GAPVD1: variants seen among roughly 807,000 people sequenced by gnomAD.
The protein encoded by GAPVD1 is GTPase activating protein and VPS9 domains 1.
A neutral mutation model predicts 155.5 loss-of-function variants in GAPVD1; 35 were observed. The observed-to-expected ratio is 0.23, with a 90% CI of 0.17 to 0.30. GAPVD1 has a LOEUF of 0.30. Among genes scored for constraint, GAPVD1 ranks in the 10% least tolerant of loss-of-function variants. The pLI is 1.00. For synonymous variants in GAPVD1, 636 were observed against 619.7 expected (o/e 1.03, Z -0.39); for missense variants, 1,429 against 1,775.7 (o/e 0.80, Z 3.51).
chr9:125,319,695 G>A (rs1379651700), intron 9 of GAPVD1, among the ~76,000 whole-genome samples: 17 of 149,256 alleles, frequency 1.1e-4, no homozygotes, highest in Admixed American at 2.7e-4. Context: ...TCCACCTCCC[G>A]GGTTCAAGCG....
chr9:125,279,099 C>T (rs1284002141), intron 2 of GAPVD1, among the ~76,000 whole-genome samples: 2 of 151,160 alleles, frequency 1.3e-5, no homozygotes, highest in South Asian at 4.2e-4. Context: ...GTAATCCCAG[C>T]TACTCAAGAG....
intron 3 of GAPVD1, among the ~76,000 whole-genome samples, chr9:125,296,578 T>C (rs1192631945): frequency 6.6e-6 from 1 of 151,044 alleles, no homozygotes; most frequent in Non-Finnish European, 1.5e-5. Flanking sequence ...GGTCTTGAAC[T>C]CCTGATCTCA....
intron 20 of GAPVD1, 179 bp downstream of exon 20, chr9:125,347,120 C>T: frequency 6.3e-6 from 4 of 633,836 alleles, no homozygotes; most frequent in Non-Finnish European, 1.1e-5. Flanking sequence ...CTCCCACTAG[C>T]CCTGGGTACC....
At chr9:125,357,534 G>T (rs1320927969) in intron 25 of GAPVD1, among the ~76,000 whole-genome samples, 1 of 151,588 alleles carries the variant, frequency 6.6e-6, no homozygotes, top group South Asian at 2.1e-4. Flanking sequence ...AGCTGAGATC[G>T]CGCCACTGCA....
At chr9:125,266,319 ATTTTT>A (rs796186675) in intron 1 of GAPVD1, among the ~76,000 whole-genome samples, 29 of 143,610 alleles carry the variant, frequency 2.0e-4, no homozygotes, top group South Asian at 6.7e-4. Context: ...ATTTTATTTT[ATTTTT>A]TTTTTTTTAG....
chr9:125,354,951 T>C (rs1849844137), intron 24 of GAPVD1, 110 bp downstream of exon 24: 2 of 645,632 alleles, frequency 3.1e-6, no homozygotes, highest in South Asian at 2.3e-5. Context: ...ATGCCTTAAA[T>C]ACCCAATTAT....
intron 2 of GAPVD1, among the ~76,000 whole-genome samples, chr9:125,281,123 G>C (rs1449419303): frequency 6.6e-6 from 1 of 152,156 alleles, no homozygotes; most frequent in Admixed American, 6.6e-5. Flanking sequence ...TGTGTTAACA[G>C]ATGTTAATGG....
chr9:125,262,443 A>G (rs982312393), intron 1 of GAPVD1, among the ~76,000 whole-genome samples: 3 of 152,122 alleles, frequency 2.0e-5, no homozygotes, highest in African/African-American at 7.2e-5. Flanking sequence ...GCATCTTTCC[A>G]CTTGCTGTCG....
Position 125,302,336 on chromosome 9 carries a change from T to C in GAPVD1, c.539T>C (p.Ile180Thr). 6.2e-7 allele frequency: 1 copy of C among 1,614,060 alleles called. No homozygotes were observed. Among genetic ancestry groups the C allele is most frequent in the Non-Finnish European group, 8.5e-7 (1 of 1,179,928 alleles). Residue 180 changes from isoleucine (I) to threonine (T), a missense_variant, in exon 5 of 28, where the codon ATC (isoleucine) becomes ACC (threonine). Ile to Thr is a moderately conservative substitution (Grantham distance 89). Coordinates refer to ENST00000297933, the MANE Select transcript of GAPVD1 (RefSeq NM_001282680.3). ...AGGAGAGGAACTTGTGCCTTCAGCA[T>C]CTTATTTAAACTTTTTTCTGAAGGA... ...LLRRGTCAFS[I>T]LFKLFSEGLF...
At chr9:125,324,071 T>G (rs1322333553) in intron 11 of GAPVD1, 148 bp downstream of exon 11, 12 of 641,686 alleles carry the variant, frequency 1.9e-5, no homozygotes, top group Non-Finnish European at 2.4e-5. Flanking sequence ...CTTCAGTTCT[T>G]CAAAATCTAT....
At chr9:125,350,646 C>CTGAATTA in intron 22 of GAPVD1, 67 bp from the exon 23 acceptor site, 1 of 977,240 alleles carries the variant, frequency 1.0e-6, no homozygotes, top group Middle Eastern at 2.3e-4. Flanking sequence ...GTCCCAAATG[C>CTGAATTA]TGAATTAGCT....
Position 125,302,104 on chromosome 9 carries a change from T to G in GAPVD1, c.307T>G (p.Leu103Val). Residue 103 changes from leucine to valine, a missense_variant, in exon 5 of 28, where the codon TTG becomes GTG. Physicochemically the swap from Leu to Val is conservative, Grantham distance 32 (BLOSUM62 1). This residue lies in a region of GAPVD1 where 628 missense variants were observed against 733.4 expected (regional missense o/e 0.86). Coordinates refer to ENST00000297933, the MANE Select transcript of GAPVD1 (RefSeq NM_001282680.3). ...ETAYGEFLSR[L>V]RENPRLIASS... The stretch of plus-strand genomic sequence containing the variant: ...TGCTTATGGAGAATTCTTGAGTCGA[T>G]TGAGGGAAAATCCTCGTCTTATTGC... 1 of 1,614,018 alleles carries G rather than the reference T, an allele frequency of 6.2e-7. No homozygotes were observed. Among genetic ancestry groups the G allele is most frequent in the Non-Finnish European group, 8.5e-7 (1 of 1,179,962 alleles).
At chr9:125,318,972 T>G (rs767987476) in intron 9 of GAPVD1, among the ~76,000 whole-genome samples, 2 of 151,878 alleles carry the variant, frequency 1.3e-5, no homozygotes, top group African/African-American at 2.4e-5. Flanking sequence ...GGTCAGGAGT[T>G]TGAGACCAGC....
At position 125,332,625 on chromosome 9, in the gene GAPVD1, T is replaced by C; in HGVS notation, c.2424T>C (p.Thr808=). ...SVTSPDMDEI[T]HGAHQLTSPP... is the part of the protein sequence containing the mutation. ...CTAGTCCAGACATGGATGAAATAAC[T>C]CACGGTAAGAGGGGGAAATGAGGAT... Residue 808 remains threonine (T), a synonymous_variant, in exon 15 of 28, where the codon ACT becomes ACC. Transcript: ENST00000297933. 1.2e-6 allele frequency: 2 copies of C among 1,608,118 alleles called. No individual in the cohort carries two copies. The highest frequency in any genetic ancestry group is 1.3e-5 in the African/African-American group (1 of 74,668).
intron 19 of GAPVD1, among the ~76,000 whole-genome samples, chr9:125,345,584 A>G (rs963791192): frequency 1.3e-5 from 2 of 152,208 alleles, no homozygotes; most frequent in Admixed American, 6.5e-5. Context: ...GTTTACTACA[A>G]TTTCACGGAG....
At chr9:125,360,485 C>T (rs1484978539) in intron 26 of GAPVD1, 43 bp from the exon 27 acceptor site, 2 of 1,517,562 alleles carry the variant, frequency 1.3e-6, no homozygotes, top group Non-Finnish European at 1.8e-6. Context: ...CGCAGGGTTG[C>T]CACTGGATTC....
intron 2 of GAPVD1, among the ~76,000 whole-genome samples, chr9:125,294,669 T>TC (rs1554757659): frequency 4.6e-4 from 70 of 150,566 alleles, no homozygotes; most frequent in African/African-American, 1.5e-3. Flanking sequence ...TTTTTTTTTT[T>TC]CAAACTTTCC....
At chr9:125,322,528 AT>A (rs1844487819) in intron 10 of GAPVD1, among the ~76,000 whole-genome samples, 1 of 152,184 alleles carries the variant, frequency 6.6e-6, no homozygotes. Context: ...TAATCTCAAA[AT>A]TTTGTTGATA....
chr9:125,350,766 C>T lies in GAPVD1; in HGVS notation c.3463C>T (p.Gln1155Ter). Residue 1155 changes from glutamine to a stop codon, truncating the protein, a stop_gained, in exon 23 of 28, where the codon CAA becomes TAA. Transcript: ENST00000297933. LOFTEE classifies it high-confidence loss of function. Reference protein sequence around the residue: ...KVQIAEAINLQDKNLMAQLQE... With the variant: ...KVQIAEAINL ...TCAAATAGCTGAAGCAATTAATTTA[C>T]AAGATAAGAATCTAATGGCTCAACT... The T allele has an allele frequency of 3.2e-6, 5 of 1,584,762 alleles. No homozygotes were observed. The highest frequency in any genetic ancestry group is 4.3e-6 in the Non-Finnish European group (5 of 1,153,472).
Sources: allele counts gnomAD v4.1 joint callset (sites outside exome capture counted in the v4.1 genomes callset), GRCh38; gene constraint gnomAD v4.1.1; regional missense constraint gnomAD v4.1.1; transcripts MANE v1.5; gene names NCBI Gene and HGNC (gene_info 2026-07-23, HGNC 2026-07-21).